AFDN: variants seen among roughly 807,000 people sequenced by gnomAD.
The protein encoded by AFDN is afadin.
In AFDN, 68 loss-of-function variants were observed where a neutral mutation model predicts 216.6. The ratio of observed to expected loss-of-function variants is 0.31; its 90% CI spans 0.26 to 0.38. The LOEUF is 0.38. Ranked by LOEUF, AFDN falls within the 10% of genes least tolerant of loss-of-function variation. The pLI is 1.00. For missense variants in AFDN, 2,136 were observed against 2,342.0 expected (o/e 0.91, Z 1.82); for synonymous variants, 868 against 853.7 (o/e 1.02, Z -0.29).
intron 23 of AFDN, among the ~76,000 whole-genome samples, chr6:167,936,629 G>C (rs1025050568): frequency 1.3e-5 from 2 of 152,068 alleles, no homozygotes; most frequent in African/African-American, 4.8e-5. Flanking sequence ...GGGGTAGGTA[G>C]TGAGAGCTCC....
At chr6:167,891,535 G>T (rs1787611755) in intron 8 of AFDN, among the ~76,000 whole-genome samples, 1 of 151,718 alleles carries the variant, frequency 6.6e-6, no homozygotes, top group African/African-American at 2.4e-5. Context: ...GTAAGAGGAA[G>T]GCTATTTGAT....
At chr6:167,843,722 T>G (rs1447094157) in intron 1 of AFDN, among the ~76,000 whole-genome samples, 1 of 152,234 alleles carries the variant, frequency 6.6e-6, no homozygotes, top group African/African-American at 2.4e-5. Flanking sequence ...AAAAATTTAT[T>G]AAATATAAGT....
At chr6:167,879,434 G>C (rs1785836924) in intron 5 of AFDN, among the ~76,000 whole-genome samples, 1 of 152,168 alleles carries the variant, frequency 6.6e-6, no homozygotes, top group Non-Finnish European at 1.5e-5. Flanking sequence ...TTCTAATCTA[G>C]CTCTCTTAAA....
chr6:167,928,722 A>G (rs539024145), intron 23 of AFDN, among the ~76,000 whole-genome samples: 1 of 152,218 alleles, frequency 6.6e-6, no homozygotes, highest in Admixed American at 6.5e-5. Flanking sequence ...GCTGCTGCCC[A>G]CACCTGTCTT....
At chr6:167,910,966 G>A in intron 13 of AFDN, 135 bp from the exon 14 acceptor site, 2 of 717,174 alleles carry the variant, frequency 2.8e-6, no homozygotes, top group South Asian at 1.9e-5. Context: ...CTGAAAACAA[G>A]GGATATTTTA....
chr6:167,829,103 C>A (rs1282480495), intron 1 of AFDN, among the ~76,000 whole-genome samples: 1 of 152,088 alleles, frequency 6.6e-6, no homozygotes, highest in Non-Finnish European at 1.5e-5. Flanking sequence ...TGATATATTT[C>A]ATTTCCTAAT....
At position 167,966,494 on chromosome 6, in the gene AFDN, T is replaced by C. The variant is rs559093544; in HGVS notation, c.5257+449T>C. ...AGATATCTTAGTACTCCGATTTCTT[T>C]TACACTTTAAAAAGTTCCATTTCTT... On this transcript the variant is annotated intron_variant, in intron 32 of 33. Transcript: ENST00000683244. Among the ~76,000 whole-genome samples the C allele has an allele frequency of 6.6e-5, 10 of 152,330 alleles. No individual in the cohort carries two copies. The South Asian group carries it at 2.1e-3, about 32-fold the overall frequency.
chr6:167,857,366 C>T (rs1226431896), intron 1 of AFDN, among the ~76,000 whole-genome samples: 1 of 151,990 alleles, frequency 6.6e-6, no homozygotes, highest in Non-Finnish European at 1.5e-5. Flanking sequence ...TGTTTAAGGG[C>T]TGGATCTAAA....
At chr6:167,882,600 T>C (rs1296309487) in intron 6 of AFDN, among the ~76,000 whole-genome samples, 1 of 152,064 alleles carries the variant, frequency 6.6e-6, no homozygotes, top group African/African-American at 2.4e-5. Context: ...AGCCTTGATC[T>C]CGCCATTGCA....
chr6:167,964,086 C>G (rs970620981), intron 31 of AFDN: 3 of 1,064,144 alleles, frequency 2.8e-6, no homozygotes, highest in Non-Finnish European at 3.4e-6. Flanking sequence ...CTGAGAAACT[C>G]TTGGGTTATT....
chr6:167,950,679 T>C (rs1795870468), intron 29 of AFDN, among the ~76,000 whole-genome samples: 1 of 152,150 alleles, frequency 6.6e-6, no homozygotes, highest in South Asian at 2.1e-4. Context: ...GAGAAGTACC[T>C]GTTGTTGATT....
chr6:167,905,548 A>G (rs979027944), intron 12 of AFDN, among the ~76,000 whole-genome samples: 3 of 152,138 alleles, frequency 2.0e-5, no homozygotes, highest in African/African-American at 7.2e-5. Flanking sequence ...GTATGGGTCT[A>G]TATGTTCATG....
chr6:167,951,626 T>C lies in AFDN; in HGVS notation c.4272T>C (p.Arg1424=). 3.7e-6 allele frequency: 6 copies of C among 1,613,746 alleles called. No homozygotes were observed. Among genetic ancestry groups the C allele is most frequent in the Non-Finnish European group, 5.1e-6 (6 of 1,179,936 alleles). ...AERRKREEHQ[R]WYEKEKARLE... The stretch of plus-strand genomic sequence containing the variant: ...GGAGAAAGAGAGAAGAACATCAGCG[T>C]TGGTATGAGAAGGAGAAGGCCCGCC... Residue 1424 remains arginine, a synonymous_variant, in exon 30 of 34, where the codon CGT becomes CGC. Transcript: ENST00000683244. The surrounding 1 kb of genome is among the most constrained non-coding windows in gnomAD (Gnocchi z 7.1).
At chr6:167,829,522 A>G (rs1244735527) in intron 1 of AFDN, among the ~76,000 whole-genome samples, 1 of 152,138 alleles carries the variant, frequency 6.6e-6, no homozygotes, top group Non-Finnish European at 1.5e-5. Flanking sequence ...TTCTGCAAGA[A>G]CAGAAGCATT....
intron 11 of AFDN, among the ~76,000 whole-genome samples, chr6:167,899,945 A>G (rs1788737029): frequency 6.6e-6 from 1 of 152,136 alleles, no homozygotes; most frequent in Non-Finnish European, 1.5e-5. Flanking sequence ...TTTTGCTTGT[A>G]ATGTTTTTAT....
intron 1 of AFDN, among the ~76,000 whole-genome samples, chr6:167,847,687 A>G (rs144666958): frequency 1.3e-5 from 2 of 152,244 alleles, no homozygotes; most frequent in African/African-American, 4.8e-5. Flanking sequence ...GCTTCTTACT[A>G]CTGAATTAAT....
intron 23 of AFDN, among the ~76,000 whole-genome samples, chr6:167,930,415 G>A (rs1309485243): frequency 6.6e-6 from 1 of 152,166 alleles, no homozygotes; most frequent in Admixed American, 6.5e-5. Flanking sequence ...TGAATTATAT[G>A]GTTGATGGTC....
chr6:167,865,241 T>C (rs1243378963), intron 2 of AFDN, among the ~76,000 whole-genome samples: 1 of 152,202 alleles, frequency 6.6e-6, no homozygotes, highest in Non-Finnish European at 1.5e-5. Flanking sequence ...AACCTCCTTA[T>C]GTATTTAGTA....
Position 167,915,197 on chromosome 6 carries a change from A to G in AFDN, c.2329A>G (p.Met777Val). ...TGTGCTGCACACGCTCACAGGAGCCATGTCCTTGCTACGACGCTGCAGAGT... is the reference window on the plus strand; with the variant it reads ...TGTGCTGCACACGCTCACAGGAGCCGTGTCCTTGCTACGACGCTGCAGAGT... ...DDVLHTLTGA[M>V]SLLRRCRVNA... Residue 777 changes from methionine to valine, a missense_variant, in exon 19 of 34, where the codon ATG (methionine) becomes GTG (valine). By Grantham distance (21) the Met-to-Val change is conservative (BLOSUM62 1). Coordinates refer to ENST00000683244, the MANE Select transcript of AFDN (RefSeq NM_001386888.1). 5 of 1,614,230 alleles carry G rather than the reference A, an allele frequency of 3.1e-6. No individual in the cohort carries two copies. The highest frequency in any genetic ancestry group is 4.2e-6 in the Non-Finnish European group (5 of 1,180,040).
Sources: gnomAD v4.1 joint callset for allele counts (sites outside exome capture counted in the v4.1 genomes callset) on GRCh38, gnomAD v4.1.1 for gene constraint, Gnocchi (gnomAD v3.1) non-coding constraint, MANE v1.5 for transcripts, NCBI Gene and HGNC (gene_info 2026-07-23, HGNC 2026-07-21) for gene names.